STK39: variants seen among roughly 807,000 people sequenced by gnomAD.
STK39 encodes STE20/SPS1-related proline-alanine-rich protein kinase.
In STK39, 20 loss-of-function variants were observed where a neutral mutation model predicts 77.8. The ratio of observed to expected loss-of-function variants is 0.26; its 90% confidence interval spans 0.18 to 0.37. The LOEUF (loss-of-function observed/expected upper bound fraction) is 0.37. Ranked by LOEUF, STK39 falls within the 10% of genes least tolerant of loss-of-function variation. The pLI is 1.00. For synonymous variants in STK39, 246 were observed against 234.1 expected (o/e 1.05, Z -0.47); for missense variants, 479 against 656.5 (o/e 0.73, Z 2.95).
chr2:168,041,837 TA>T (rs1450591768), intron 14 of STK39, among the ~76,000 whole-genome samples: 3 of 152,222 alleles, frequency 2.0e-5, no homozygotes, highest in Non-Finnish European at 4.4e-5. Flanking sequence ...TCAATGAAGA[TA>T]AGCCCTTGAC....
intron 16 of STK39, among the ~76,000 whole-genome samples, chr2:167,994,262 C>T (rs1683774603): frequency 6.6e-6 from 1 of 152,068 alleles, no homozygotes; most frequent in Non-Finnish European, 1.5e-5. Flanking sequence ...TACCATCTTC[C>T]TGGCTTCAAA....
In STK39 at chr2:168,064,688, G is replaced by A. The variant is rs994718731; in HGVS notation, c.1305+631C>T. Among the ~76,000 whole-genome samples the A allele has an allele frequency of 1.2e-4, 18 of 152,330 alleles. 1 individual carries two copies. The highest frequency in any genetic ancestry group is 2.2e-4 in the African/African-American group (9 of 41,568). On this transcript the variant is annotated intron_variant, in intron 13 of 17. Coordinates refer to ENST00000355999, the MANE Select transcript of STK39 (RefSeq NM_013233.3). ...AAATTATGATCCTGACAGTGGTGAC[G>A]CTTTATAGTACAACCACTTTGAGAA...
At chr2:168,182,253 A>G (rs896505552) in intron 1 of STK39, among the ~76,000 whole-genome samples, 163 bp from the exon 2 acceptor site, 2 of 152,148 alleles carry the variant, frequency 1.3e-5, no homozygotes, top group Middle Eastern at 3.2e-3. Context: ...AAATCCTAAA[A>G]TAATTATCTG....
At chr2:168,205,456 A>T (rs887645322) in intron 1 of STK39, among the ~76,000 whole-genome samples, 5 of 152,156 alleles carry the variant, frequency 3.3e-5, no homozygotes, top group Non-Finnish European at 5.9e-5. Context: ...ATAATATTAA[A>T]TCTTAAAAAA....
intron 8 of STK39, among the ~76,000 whole-genome samples, chr2:168,137,836 C>T (rs1687877915): frequency 6.6e-6 from 1 of 152,244 alleles, no homozygotes; most frequent in South Asian, 2.1e-4. Flanking sequence ...ACAGAGCCCA[C>T]ACTTAACAAG....
chr2:168,170,721 G>A lies in STK39; in HGVS notation c.322-3314C>T, dbSNP rs1350380430. 4.6e-5 allele frequency among the ~76,000 whole-genome samples: 7 copies of A among 152,278 alleles called. No individual in the cohort carries two copies. In the East Asian group the frequency reaches 7.7e-4, roughly 17 times the overall value. On this transcript the variant is annotated intron_variant, in intron 2 of 17. Transcript: ENST00000355999. ...GGACACAGACGACTGCAAGGAAGCC[G>A]ACAGTGTCAAAAGTGCCCAGTAGTG... is the stretch of plus-strand genomic sequence containing the variant.
chr2:167,957,454 T>A (rs373454029), intron 17 of STK39, among the ~76,000 whole-genome samples: 11 of 152,328 alleles, frequency 7.2e-5, no homozygotes, highest in African/African-American at 2.2e-4. Flanking sequence ...GACACTGTAA[T>A]ATTCACCTTC....
chr2:168,172,556 T>C (rs538611887), intron 2 of STK39, among the ~76,000 whole-genome samples: 1 of 152,270 alleles, frequency 6.6e-6, no homozygotes, highest in African/African-American at 2.4e-5. Flanking sequence ...CAAAGAGAAA[T>C]AGTACAAGTT....
At chr2:168,227,182 A>C (rs1287884836) in intron 1 of STK39, among the ~76,000 whole-genome samples, 1 of 152,236 alleles carries the variant, frequency 6.6e-6, no homozygotes, top group Non-Finnish European at 1.5e-5. Flanking sequence ...TTTTGGAAAA[A>C]TCTTTATGTA....
intron 1 of STK39, among the ~76,000 whole-genome samples, chr2:168,192,690 G>A (rs1275499403): frequency 6.6e-6 from 1 of 152,216 alleles, no homozygotes; most frequent in Non-Finnish European, 1.5e-5. Context: ...CAGGAGGGCT[G>A]TAAATATTAA....
chr2:168,094,872 C>G (rs182168909), intron 10 of STK39, among the ~76,000 whole-genome samples: 93 of 152,276 alleles, frequency 6.1e-4, no homozygotes, highest in Non-Finnish European at 3.8e-4. Context: ...TCCCTGCAAA[C>G]CAGGCCCCCT....
intron 16 of STK39, among the ~76,000 whole-genome samples, chr2:167,982,324 T>A (rs1177587232): frequency 6.6e-6 from 1 of 152,220 alleles, no homozygotes; most frequent in Non-Finnish European, 1.5e-5. Context: ...CAGAAAGGCA[T>A]GTAACCTACA....
intron 10 of STK39, among the ~76,000 whole-genome samples, chr2:168,079,376 C>T (rs1686166878): frequency 6.6e-6 from 1 of 152,176 alleles, no homozygotes; most frequent in Non-Finnish European, 1.5e-5. Context: ...ACTCAATGTC[C>T]CCATGTCCCC....
chr2:168,082,474 T>C (rs1490338281), intron 10 of STK39, among the ~76,000 whole-genome samples: 2 of 152,236 alleles, frequency 1.3e-5, no homozygotes, highest in Non-Finnish European at 2.9e-5. Context: ...CCTAATAGTG[T>C]AATTCAATGC....
intron 16 of STK39, among the ~76,000 whole-genome samples, chr2:167,979,216 T>A (rs926669265): frequency 1.3e-5 from 2 of 152,194 alleles, no homozygotes; most frequent in Admixed American, 1.3e-4. Flanking sequence ...CTGGATCACA[T>A]GATAGAAGTA....
At chr2:168,065,276 T>C in intron 13 of STK39, 43 bp downstream of exon 13, 17 of 1,605,600 alleles carry the variant, frequency 1.1e-5, no homozygotes, top group Non-Finnish European at 1.4e-5. Flanking sequence ...AAAGGATCTG[T>C]CTACAAAGCA....
chr2:168,126,281 C>T (rs1021863843), intron 10 of STK39, among the ~76,000 whole-genome samples: 1 of 151,812 alleles, frequency 6.6e-6, no homozygotes, highest in Non-Finnish European at 1.5e-5. Flanking sequence ...AGAGCAAGAT[C>T]AACTGGGAGG....
chr2:168,202,445 T>C (rs1287470277), intron 1 of STK39, among the ~76,000 whole-genome samples: 11 of 152,154 alleles, frequency 7.2e-5, no homozygotes, highest in Non-Finnish European at 1.6e-4. Flanking sequence ...CCCCATTTTA[T>C]GTCTGAGAAA....
At chr2:168,181,671 G>A (rs1689085490) in intron 2 of STK39, among the ~76,000 whole-genome samples, 1 of 152,168 alleles carries the variant, frequency 6.6e-6, no homozygotes. Flanking sequence ...ATCCTGTCAT[G>A]TTAGGTCACG....
Sources: allele counts gnomAD v4.1 joint callset (sites outside exome capture counted in the v4.1 genomes callset), GRCh38; gene constraint gnomAD v4.1.1; transcripts MANE v1.5; gene names NCBI Gene and HGNC (gene_info 2026-07-23, HGNC 2026-07-21).